LRRFIP1: variants seen among roughly 807,000 people sequenced by gnomAD.
LRRFIP1 encodes leucine-rich repeat flightless-interacting protein 1.
In LRRFIP1, 62 loss-of-function variants were observed where a neutral mutation model predicts 104.4. The ratio of observed to expected loss-of-function variants is 0.59; its 90% CI spans 0.48 to 0.73. The LOEUF (loss-of-function observed/expected upper bound fraction) is 0.73. LRRFIP1 is among the 30% of genes least tolerant of loss of function. The pLI, the probability that LRRFIP1 is intolerant of heterozygous loss-of-function variation, is 0.00. For synonymous variants in LRRFIP1, 300 were observed against 299.0 expected (o/e 1.00, Z -0.03); for missense variants, 796 against 824.5 (o/e 0.97, Z 0.42).
chr2:237,743,714 G>A (rs1231888836), intron 11 of LRRFIP1, among the ~76,000 whole-genome samples: 2 of 152,172 alleles, frequency 1.3e-5, no homozygotes, highest in Admixed American at 6.5e-5. Context: ...GGGGCAGACG[G>A]ATGCTTGTTG....
chr2:237,692,493 A>G (rs2092874267), intron 1 of LRRFIP1: 9 of 1,533,750 alleles, frequency 5.9e-6, no homozygotes, highest in Non-Finnish European at 7.9e-6. Flanking sequence ...CGGGAGATCG[A>G]CTGTTTGAGC....
intron 19 of LRRFIP1, among the ~76,000 whole-genome samples, chr2:237,767,445 C>T (rs777478059): frequency 1.3e-5 from 2 of 151,964 alleles, no homozygotes; most frequent in South Asian, 2.1e-4. Flanking sequence ...ACATAGCTCC[C>T]GTATATAAAT....
At chr2:237,753,022 C>T (rs559353603) in intron 14 of LRRFIP1, among the ~76,000 whole-genome samples, 2 of 152,336 alleles carry the variant, frequency 1.3e-5, no homozygotes, top group South Asian at 2.1e-4. Context: ...GCCAGAGACT[C>T]TACTGCCTCT....
intron 1 of LRRFIP1, among the ~76,000 whole-genome samples, chr2:237,706,105 C>T (rs7560124): frequency 0.02 from 3,119 of 152,312 alleles, 93 homozygotes; most frequent in African/African-American, 0.069. Flanking sequence ...CATGGTCCCA[C>T]GCACTCAGTG....
rs552424981 is a variant in LRRFIP1 at position 237,649,823 on chromosome 2, T to C, written c.96+22083T>C. 2.2e-4 allele frequency among the ~76,000 whole-genome samples: 33 copies of C among 151,804 alleles called. No individual in the cohort carries two copies. The highest frequency in any genetic ancestry group is 7.7e-4 in the African/African-American group (32 of 41,512). ...GAGTTCATTTACCTGCTCATTCATG[T>C]ATTCACTTTTCCTCCGATTCAACAA... On this transcript the variant is annotated intron_variant, in intron 1 of 23. Coordinates refer to ENST00000308482, the MANE Select transcript of LRRFIP1 (RefSeq NM_001137550.2). The surrounding 1 kb of genome is among the most constrained non-coding windows in gnomAD (Gnocchi z 4.1).
intron 1 of LRRFIP1, among the ~76,000 whole-genome samples, chr2:237,662,496 G>T (rs142641601): frequency 2.3e-4 from 35 of 151,610 alleles, no homozygotes; most frequent in African/African-American, 8.1e-4. Context: ...CCTTAGAAAA[G>T]ATAAGGACAA....
chr2:237,750,481 C>T (rs1313050531), intron 13 of LRRFIP1, among the ~76,000 whole-genome samples: 2 of 151,766 alleles, frequency 1.3e-5, no homozygotes, highest in Non-Finnish European at 2.9e-5. Flanking sequence ...GGATTACAGG[C>T]GCCCGCCACC....
chr2:237,671,248 A>G (rs1450908781), intron 1 of LRRFIP1, among the ~76,000 whole-genome samples: 1 of 152,206 alleles, frequency 6.6e-6, no homozygotes, highest in East Asian at 1.9e-4. Flanking sequence ...AAGTGTCCAT[A>G]GTGGTTATAA....
chr2:237,744,989 C>T (rs1022795700), intron 11 of LRRFIP1, among the ~76,000 whole-genome samples: 2 of 152,254 alleles, frequency 1.3e-5, no homozygotes, highest in East Asian at 1.9e-4. Flanking sequence ...CATGCAGTGG[C>T]CGTGACAGTG....
chr2:237,775,700 C>T (rs1348799916), intron 23 of LRRFIP1, among the ~76,000 whole-genome samples: 2 of 152,046 alleles, frequency 1.3e-5, no homozygotes, highest in East Asian at 1.9e-4. Flanking sequence ...TAGCCGGGTG[C>T]GGTGGCCCGT....
At chr2:237,739,937 G>T (rs970775488) in intron 11 of LRRFIP1, among the ~76,000 whole-genome samples, 4 of 152,112 alleles carry the variant, frequency 2.6e-5, no homozygotes, top group African/African-American at 7.2e-5. Flanking sequence ...TTTGCAGGAC[G>T]GTTTTGGACT....
At chr2:237,749,420 A>G in intron 13 of LRRFIP1, 96 bp downstream of exon 13, 1 of 1,441,414 alleles carries the variant, frequency 6.9e-7, no homozygotes, top group Non-Finnish European at 9.3e-7. Context: ...AAAGTTCTGG[A>G]TCTTTCTTCT....
At chr2:237,724,476 C>T (rs1399158020) in intron 7 of LRRFIP1, among the ~76,000 whole-genome samples, 1 of 152,190 alleles carries the variant, frequency 6.6e-6, no homozygotes, top group Non-Finnish European at 1.5e-5. Context: ...CTGTTCTGCT[C>T]TTAACAGATA....
chr2:237,748,834 G>A (rs1012289835), intron 12 of LRRFIP1, among the ~76,000 whole-genome samples: 4 of 152,174 alleles, frequency 2.6e-5, no homozygotes, highest in Non-Finnish European at 5.9e-5. Flanking sequence ...CTGCCATAAA[G>A]AACTTCCCTG....
rs969655108 is a variant in LRRFIP1 at position 237,691,273 on chromosome 2, G to C, written c.97-17271G>C. Among the ~76,000 whole-genome samples the C allele has an allele frequency of 6.6e-6, 1 of 152,242 alleles. No homozygotes were observed. Among genetic ancestry groups the C allele is most frequent in the African/African-American group, 2.4e-5 (1 of 41,452 alleles). Reference sequence around the variant, plus strand: ...CCCCAGCCTGGCGAGGTCGGGAACCGTTTCCCGCAGGACTTTCATTGGGAG... The same window carrying C: ...CCCCAGCCTGGCGAGGTCGGGAACCCTTTCCCGCAGGACTTTCATTGGGAG... On this transcript the variant is annotated intron_variant, in intron 1 of 23. Transcript: ENST00000308482. This position sits in a 1 kb window ranked among gnomAD's most constrained non-coding sequence, Gnocchi z 5.4.
chr2:237,629,912 T>G (rs1014625528), intron 1 of LRRFIP1, among the ~76,000 whole-genome samples: 1 of 152,138 alleles, frequency 6.6e-6, no homozygotes, highest in African/African-American at 2.4e-5. Flanking sequence ...AGCTGGGCTT[T>G]CAAATGACAT....
intron 1 of LRRFIP1, among the ~76,000 whole-genome samples, chr2:237,686,563 C>T (rs778650170): frequency 5.3e-5 from 8 of 152,164 alleles, no homozygotes; most frequent in East Asian, 1.9e-4. Context: ...TGCTTTTAAT[C>T]GGGAGAGCCC....
chr2:237,749,148 TGG>T, intron 12 of LRRFIP1, 49 bp from the exon 13 acceptor site: 1 of 1,578,666 alleles, frequency 6.3e-7, no homozygotes, highest in Non-Finnish European at 8.6e-7. Flanking sequence ...GAGATTTGGG[TGG>T]GGACACAGAG....
chr2:237,679,642 C>T (rs1029262407), intron 1 of LRRFIP1, among the ~76,000 whole-genome samples: 1 of 152,132 alleles, frequency 6.6e-6, no homozygotes, highest in Non-Finnish European at 1.5e-5. Flanking sequence ...GTGTATCGCT[C>T]TTGTTGCCCA....
Sources: allele counts gnomAD v4.1 joint callset (sites outside exome capture counted in the v4.1 genomes callset), GRCh38; gene constraint gnomAD v4.1.1; non-coding constraint Gnocchi (gnomAD v3.1); transcripts MANE v1.5; gene names NCBI Gene and HGNC (gene_info 2026-07-23, HGNC 2026-07-21).